MTAP: variants seen among roughly 807,000 people sequenced by gnomAD.
The protein encoded by MTAP is methylthioadenosine phosphorylase.
MTAP carries 33 observed loss-of-function variants against 33.6 expected under a neutral mutation model. The observed-to-expected ratio is 0.98, with a 90% CI of 0.74 to 1.31. MTAP has a LOEUF of 1.31. MTAP is among the 40% of genes most tolerant of loss of function. The pLI, the probability that MTAP is intolerant of heterozygous loss-of-function variation, is 0.00. For missense variants in MTAP, 367 were observed against 360.0 expected, an observed-to-expected ratio of 1.02 and a Z score of -0.16; for synonymous variants, 148 against 125.7, an observed-to-expected ratio of 1.18 and a Z score of -1.19.
chr9:21,814,419 C>T lies in MTAP; in HGVS notation c.34-1014C>T, dbSNP rs186038125. Among the ~76,000 whole-genome samples the T allele has an allele frequency of 9.2e-5, 14 of 152,288 alleles. No homozygotes were observed. In the East Asian group the frequency reaches 2.7e-3, roughly 29 times the overall value. On this transcript the variant is annotated intron_variant, in intron 1 of 7. Coordinates refer to ENST00000644715, the MANE Select transcript of MTAP (RefSeq NM_002451.4). ...AGATTTAAAGCTTTTCATTGAAAAACAACAATGCTCAGGTCACTTCGCATT... is the reference window on the plus strand; with the variant it reads ...AGATTTAAAGCTTTTCATTGAAAAATAACAATGCTCAGGTCACTTCGCATT...
chr9:21,860,554 A>C (rs1825733595), intron 7 of MTAP: 1 of 152,160 alleles, frequency 6.6e-6, no homozygotes, highest in African/African-American at 2.4e-5. Flanking sequence ...CCTTTCCCCC[A>C]TGAAGTGTTT....
chr9:21,940,102 C>G (rs1257057520), downstream of MTAP, among the ~76,000 whole-genome samples: 1 of 152,072 alleles, frequency 6.6e-6, no homozygotes, highest in Non-Finnish European at 1.5e-5. Flanking sequence ...GCCAACAGGA[C>G]CCTTAAGGAC....
chr9:21,802,661 T>A lies in MTAP; in HGVS notation c.-88T>A, dbSNP rs1010606206. 2.7e-6 allele frequency: 4 copies of A among 1,499,348 alleles called. No homozygotes were observed. Among genetic ancestry groups the A allele is most frequent in the Non-Finnish European group, 3.7e-6 (4 of 1,085,042 alleles). The allele number at this position is 1,499,348 out of a possible 1,614,324, so 92.9% of individuals were successfully genotyped here. A position where few individuals can be genotyped will look rare whatever the true frequency, so the allele number is the denominator to read the frequency against. ...CTCCGCACTGCTCACTCCCGCGCAGTGAGGTTGGCACAGCCACCGCTCTGT... is the reference window on the plus strand; with the variant it reads ...CTCCGCACTGCTCACTCCCGCGCAGAGAGGTTGGCACAGCCACCGCTCTGT... On this transcript the variant is annotated 5_prime_UTR_variant, in exon 1 of 8. Coordinates refer to ENST00000644715, the MANE Select transcript of MTAP (RefSeq NM_002451.4).
intron 1 of MTAP, chr9:21,893,508 T>C (rs969540476): frequency 2.6e-5 from 4 of 152,012 alleles, no homozygotes; most frequent in Non-Finnish European, 5.9e-5. Context: ...GAGTGCTTGC[T>C]AGACTTACAA....
intron 1 of MTAP, among the ~76,000 whole-genome samples, chr9:21,923,279 C>T (rs1470947903): frequency 1.3e-5 from 2 of 152,284 alleles, no homozygotes; most frequent in Admixed American, 1.3e-4. Context: ...TGTTATGCTC[C>T]AGGGTCAAGT....
chr9:21,871,286 A>T (rs1312023220), downstream of MTAP, among the ~76,000 whole-genome samples: 1 of 152,168 alleles, frequency 6.6e-6, no homozygotes, highest in Non-Finnish European at 1.5e-5. Context: ...TTGGCTAGTG[A>T]TGTATTAGCA....
intron 6 of MTAP, 140 bp from the exon 7 acceptor site, chr9:21,859,163 A>T (rs1376644471): frequency 3.1e-6 from 4 of 1,270,526 alleles, no homozygotes; most frequent in Non-Finnish European, 4.3e-6. Flanking sequence ...AATACCCTAC[A>T]TTGAGGATTC....
At chr9:21,892,574 C>A (rs1383464836) in intron 1 of MTAP, 1 of 152,156 alleles carries the variant, frequency 6.6e-6, no homozygotes, top group Non-Finnish European at 1.5e-5. Flanking sequence ...ACTTAATTAT[C>A]CTAAATATAT....
In MTAP at chr9:21,898,424, C is replaced by G. The variant is rs145267169; in HGVS notation, c.148-32584C>G. Reference sequence around the variant, plus strand: ...AAGAGCTTCTGCATAGCAAAAGAAACTACTATCAGAGTGAACAGGCAATCT... The same window carrying G: ...AAGAGCTTCTGCATAGCAAAAGAAAGTACTATCAGAGTGAACAGGCAATCT... On this transcript the variant is annotated intron_variant, in intron 1 of 1. Coordinates refer to the MTAP transcript ENST00000577563. Among the ~76,000 whole-genome samples, 133 of 152,272 alleles carry G rather than the reference C, an allele frequency of 8.7e-4. 2 individuals are homozygous for G. In the East Asian group the frequency reaches 0.024, roughly 27 times the overall value.
At chr9:21,929,080 TG>T (rs546250921) in intron 1 of MTAP, among the ~76,000 whole-genome samples, 3 of 151,930 alleles carry the variant, frequency 2.0e-5, no homozygotes, top group Non-Finnish European at 4.4e-5. Context: ...AACTGTATTC[TG>T]GGGGGGCCAC....
chr9:21,926,578 T>A (rs141541330), intron 1 of MTAP, among the ~76,000 whole-genome samples: 1,767 of 152,116 alleles, frequency 0.012, 29 homozygotes, highest in African/African-American at 0.04. Context: ...AAGGAAGGAG[T>A]CTACAGCTAA....
chr9:21,854,599 A>G, intron 5 of MTAP, 32 bp from the exon 6 acceptor site: 4 of 1,517,132 alleles, frequency 2.6e-6, no homozygotes, highest in Non-Finnish European at 3.5e-6. Flanking sequence ...ATGTGCTAGT[A>G]TGTTTTGAAG....
At chr9:21,876,796 G>A (rs567339248) in intron 1 of MTAP, among the ~76,000 whole-genome samples, 27 of 152,134 alleles carry the variant, frequency 1.8e-4, no homozygotes, top group Admixed American at 6.5e-4. Flanking sequence ...GTTGGGCAAC[G>A]TGATGCCTCC....
chr9:21,839,745 A>C (rs1473067784), intron 5 of MTAP, among the ~76,000 whole-genome samples: 1 of 152,238 alleles, frequency 6.6e-6, no homozygotes, highest in African/African-American at 2.4e-5. Flanking sequence ...GTACTGATGG[A>C]ATAGGACTGT....
chr9:21,825,480 A>G (rs1025005528), intron 4 of MTAP, among the ~76,000 whole-genome samples: 1 of 152,206 alleles, frequency 6.6e-6, no homozygotes, highest in African/African-American at 2.4e-5. Flanking sequence ...TCCTACCAGC[A>G]GTATACAAGG....
intron 1 of MTAP, among the ~76,000 whole-genome samples, chr9:21,910,916 A>T (rs1361587944): frequency 6.6e-6 from 1 of 152,178 alleles, no homozygotes; most frequent in African/African-American, 2.4e-5. Context: ...TTGAGGCTCA[A>T]AGTAAAGGGT....
chr9:21,816,687 TAAA>T (rs1488677069), intron 2 of MTAP, 24 bp from the exon 3 acceptor site: 1 of 1,602,048 alleles, frequency 6.2e-7, no homozygotes, highest in Middle Eastern at 1.7e-4. Flanking sequence ...ATCACTGAGT[TAAA>T]TGTCATTTTT....
At chr9:21,821,833 C>T (rs1357650185) in intron 4 of MTAP, among the ~76,000 whole-genome samples, 1 of 152,168 alleles carries the variant, frequency 6.6e-6, no homozygotes, top group African/African-American at 2.4e-5. Flanking sequence ...TTCAGGGATT[C>T]AATTTCTTCC....
intron 1 of MTAP, among the ~76,000 whole-genome samples, chr9:21,927,160 C>T (rs1410752503): frequency 1.3e-5 from 2 of 152,224 alleles, no homozygotes; most frequent in Non-Finnish European, 2.9e-5. Context: ...CTTTTCATCA[C>T]TGAAAGTAAG....
Sources: allele counts gnomAD v4.1 joint callset (sites outside exome capture counted in the v4.1 genomes callset), GRCh38; gene constraint gnomAD v4.1.1; transcripts MANE v1.5; gene names NCBI Gene and HGNC (gene_info 2026-07-23, HGNC 2026-07-21).